Variants in OSBPL3 observed in about 807,000 individuals in gnomAD.
OSBPL3 encodes oxysterol binding protein like 3, also known as oxysterol-binding protein-related protein 3.
OSBPL3 carries 65 observed loss-of-function variants against 120.1 expected under a neutral mutation model. The ratio of observed to expected loss-of-function variants is 0.54; its 90% CI spans 0.44 to 0.67. The LOEUF is 0.67. Among genes scored for constraint, OSBPL3 ranks in the 30% least tolerant of loss-of-function variants. The probability of loss-of-function intolerance (pLI) is 0.00; values close to 1 mark genes in which losing one functional copy is unlikely to be tolerated. For synonymous variants in OSBPL3, 416 were observed against 402.6 expected (o/e 1.03, Z -0.40); for missense variants, 1,004 against 1,082.1 (o/e 0.93, Z 1.01).
At position 24,965,687 on chromosome 7, in the gene OSBPL3, G is replaced by C. The variant is rs903116307; in HGVS notation, c.-150+14199C>G. ...CACTAAATCAGAAACTGTGGGGGTG[G>C]GGCCCAGCAATCTGTTTTATTAAAT... On this transcript the variant is annotated intron_variant, in intron 1 of 22. Coordinates refer to ENST00000313367, the MANE Select transcript of OSBPL3 (RefSeq NM_015550.4). The surrounding 1 kb of genome is among the most constrained non-coding windows in gnomAD (Gnocchi z 4.3). 1.3e-5 allele frequency among the ~76,000 whole-genome samples: 2 copies of C among 152,104 alleles called. No individual in the cohort carries two copies. The highest frequency in any genetic ancestry group is 2.9e-5 in the Non-Finnish European group (2 of 68,026).
chr7:24,876,064 A>G (rs944336991), intron 2 of OSBPL3, among the ~76,000 whole-genome samples: 83 of 152,202 alleles, frequency 5.5e-4, no homozygotes, highest in African/African-American at 2.0e-3. Context: ...CTTCCTCTTT[A>G]TTGCCCAGCC....
intron 2 of OSBPL3, among the ~76,000 whole-genome samples, chr7:24,878,521 A>T (rs997977028): frequency 8.5e-5 from 13 of 152,202 alleles, no homozygotes; most frequent in African/African-American, 3.1e-4. Flanking sequence ...ACCTTTTATG[A>T]TTGTTCTATG....
chr7:24,804,553 A>T lies in OSBPL3; in HGVS notation c.2445-116T>A. On this transcript the variant is annotated intron_variant, in intron 21 of 22. Transcript: ENST00000313367. This position sits in a 1 kb window ranked among gnomAD's most constrained non-coding sequence, Gnocchi z 5.4. ...ATATTCAAAATCCTCTCCTATACGT[A>T]AGACCCCGCCCCAACCGTTTAATCC... is the stretch of plus-strand genomic sequence containing the variant. 1.1e-6 allele frequency: 1 copy of T among 900,954 alleles called. No individual in the cohort carries two copies. Among genetic ancestry groups the T allele is most frequent in the Non-Finnish European group, 1.7e-6 (1 of 590,470 alleles). The allele number at this position is 900,954 out of a possible 1,614,324, so 55.8% of individuals were successfully genotyped here. A position where few individuals can be genotyped will look rare whatever the true frequency, so the allele number is the denominator to read the frequency against.
intron 15 of OSBPL3, among the ~76,000 whole-genome samples, chr7:24,832,518 A>AG: frequency 6.6e-6 from 1 of 150,792 alleles, no homozygotes; most frequent in East Asian, 1.9e-4. Flanking sequence ...TCAAAGAAAA[A>AG]AAAAAAAAAA....
In OSBPL3 at chr7:24,831,897, G is replaced by A. The variant is rs1459875487; in HGVS notation, c.1747-992C>T. Among the ~76,000 whole-genome samples, 2 of 152,174 alleles carry A rather than the reference G, an allele frequency of 1.3e-5. No homozygotes were observed. Among genetic ancestry groups the A allele is most frequent in the African/African-American group, 4.8e-5 (2 of 41,446 alleles). On this transcript the variant is annotated intron_variant, in intron 15 of 22. Transcript: ENST00000313367. The surrounding 1 kb of genome is among the most constrained non-coding windows in gnomAD (Gnocchi z 4.0). Reference sequence around the variant, plus strand: ...TAGAATTCTCTAGAGCAGCTGGATGGCTTATAAAAATCAGCTATACTCGGC... The same window carrying A: ...TAGAATTCTCTAGAGCAGCTGGATGACTTATAAAAATCAGCTATACTCGGC...
At chr7:24,850,491 C>T (rs936978853) in intron 11 of OSBPL3, among the ~76,000 whole-genome samples, 1 of 152,234 alleles carries the variant, frequency 6.6e-6, no homozygotes, top group Non-Finnish European at 1.5e-5. Flanking sequence ...CAGGACCGAC[C>T]TGCTGAAAGC....
chr7:24,868,077 G>A (rs531570389), intron 5 of OSBPL3, among the ~76,000 whole-genome samples: 15 of 152,234 alleles, frequency 9.9e-5, no homozygotes, highest in Non-Finnish European at 1.5e-4. Flanking sequence ...CCAGCACTTC[G>A]GGAGGCTGAG....
At position 24,834,250 on chromosome 7, in the gene OSBPL3, T is replaced by G; in HGVS notation, c.1746+236A>C. ...GAAGCACAAACCCACAGAACAGAACTACCCCAGGCACCAAGTGCCACGGAG... is the reference window on the plus strand; with the variant it reads ...GAAGCACAAACCCACAGAACAGAACGACCCCAGGCACCAAGTGCCACGGAG... On this transcript the variant is annotated intron_variant, in intron 15 of 22. Coordinates refer to ENST00000313367, the MANE Select transcript of OSBPL3 (RefSeq NM_015550.4). The surrounding 1 kb of genome is among the most constrained non-coding windows in gnomAD (Gnocchi z 5.2). 7.5e-7 allele frequency: 1 copy of G among 1,326,298 alleles called. No homozygotes were observed. The highest frequency in any genetic ancestry group is 9.7e-7 in the Non-Finnish European group (1 of 1,028,830). The allele number at this position is 1,326,298 out of a possible 1,614,324, so 82.2% of individuals were successfully genotyped here. A position where few individuals can be genotyped will look rare whatever the true frequency, so the allele number is the denominator to read the frequency against.
chr7:24,970,104 CTTTTTTTTTTTT>C (rs10540160), intron 1 of OSBPL3, among the ~76,000 whole-genome samples: 12 of 83,006 alleles, frequency 1.4e-4, no homozygotes, highest in African/African-American at 6.0e-4. Context: ...TCGTCCCTTT[CTTTTTTTTTTTT>C]TTTTTTTTTT....
intron 1 of OSBPL3, among the ~76,000 whole-genome samples, chr7:24,904,839 G>C (rs959919930): frequency 2.0e-5 from 3 of 151,910 alleles, no homozygotes; most frequent in African/African-American, 7.3e-5. Context: ...TGGCTGTCAG[G>C]GGCTGGGGGG....
At chr7:24,928,616 G>C (rs1392197572) in intron 1 of OSBPL3, among the ~76,000 whole-genome samples, 1 of 152,068 alleles carries the variant, frequency 6.6e-6, no homozygotes, top group South Asian at 2.1e-4. Context: ...TGTAACCATC[G>C]CTTCAATCAA....
In OSBPL3 at chr7:24,873,585, T is replaced by C. The variant is rs1016927394; in HGVS notation, c.97-1516A>G. 2.0e-5 allele frequency among the ~76,000 whole-genome samples: 3 copies of C among 152,138 alleles called. No homozygotes were observed. On this transcript the variant is annotated intron_variant, in intron 2 of 22. Transcript: ENST00000313367. This position sits in a 1 kb window ranked among gnomAD's most constrained non-coding sequence, Gnocchi z 4.1. ...TTCGAAAAAAGATCCAGCTTTTAAA[T>C]TAGAGGATTTTTTTTTTAAGGAAGG...
intron 1 of OSBPL3, among the ~76,000 whole-genome samples, chr7:24,931,909 C>A (rs1427716651): frequency 6.6e-6 from 1 of 152,186 alleles, no homozygotes. Context: ...GAAGCTGAGG[C>A]TTAATGGAAA....
chr7:24,842,000 G>A (rs923526877), intron 13 of OSBPL3, among the ~76,000 whole-genome samples: 9 of 151,322 alleles, frequency 5.9e-5, no homozygotes, highest in African/African-American at 1.7e-4. Context: ...ACAACAGAGC[G>A]AGGCTCTGTT....
chr7:24,890,532 G>GA (rs1805192185), intron 2 of OSBPL3, among the ~76,000 whole-genome samples: 1 of 152,178 alleles, frequency 6.6e-6, no homozygotes, highest in African/African-American at 2.4e-5. Flanking sequence ...CATACCCTGG[G>GA]ACAGAACACC....
In OSBPL3 at chr7:24,824,497, C is replaced by T. The variant is rs114153757; in HGVS notation, c.1885-4259G>A. ...GCATAACTATCCAGTCCTCCTAGGT[C>T]CTGATTTCCCTGCAGCAATACAGGG... On this transcript the variant is annotated intron_variant, in intron 16 of 22. Transcript: ENST00000313367. This position sits in a 1 kb window ranked among gnomAD's most constrained non-coding sequence, Gnocchi z 4.9. Among the ~76,000 whole-genome samples, 49 of 152,280 alleles carry T rather than the reference C, an allele frequency of 3.2e-4. No homozygotes were observed. The highest frequency in any genetic ancestry group is 3.4e-3 in the Middle Eastern group (1 of 294).
chr7:24,934,081 A>G (rs1175234295), intron 1 of OSBPL3, among the ~76,000 whole-genome samples: 2 of 152,232 alleles, frequency 1.3e-5, no homozygotes, highest in Non-Finnish European at 2.9e-5. Context: ...GATGGAAAAT[A>G]AGGTCATATT....
rs1446554943 is a variant in OSBPL3 at position 24,862,733 on chromosome 7, G to C, written c.870+467C>G. Among the ~76,000 whole-genome samples the C allele has an allele frequency of 1.3e-5, 2 of 152,142 alleles. No homozygotes were observed. The highest frequency in any genetic ancestry group is 4.8e-5 in the African/African-American group (2 of 41,424). On this transcript the variant is annotated intron_variant, in intron 9 of 22. Coordinates refer to ENST00000313367, the MANE Select transcript of OSBPL3 (RefSeq NM_015550.4). This position sits in a 1 kb window ranked among gnomAD's most constrained non-coding sequence, Gnocchi z 4.4. The stretch of plus-strand genomic sequence containing the variant: ...CTGGATGAGGGATTGGGAGTTTGGA[G>C]ATAAGAGGCCAAGGAGAATCTACAC...
rs1187450576 is a variant in OSBPL3 at position 24,911,947 on chromosome 7, CCT to C, written c.-149-19328_-149-19327del. On this transcript the variant is annotated intron_variant, in intron 1 of 22. Transcript: ENST00000313367. ...AAAAGGCAAGAAAAACCTAAAAGCA[CCT>C]CTGTTCCCAATGCTAACAATGACAT... Among the ~76,000 whole-genome samples the C allele has an allele frequency of 1.1e-4, 17 of 152,286 alleles. 1 individual carries two copies. Among genetic ancestry groups the C allele is most frequent in the Admixed American group, 9.1e-4 (14 of 15,304 alleles).
Sources: allele counts gnomAD v4.1 joint callset (sites outside exome capture counted in the v4.1 genomes callset), GRCh38; gene constraint gnomAD v4.1.1; non-coding constraint Gnocchi (gnomAD v3.1); transcripts MANE v1.5; gene names NCBI Gene and HGNC (gene_info 2026-07-23, HGNC 2026-07-21).